The following TEX36 variants were observed in gnomAD, a reference collection of about 807,000 sequenced individuals.
The protein encoded by TEX36 is testis-expressed protein 36.
TEX36 carries 12 observed loss-of-function variants against 13.6 expected under a neutral mutation model. The observed-to-expected ratio is 0.88, with a 90% CI of 0.56 to 1.43. TEX36 has a LOEUF of 1.43. TEX36 is among the 40% of genes most tolerant of loss of function. The pLI is 0.00. For synonymous variants in TEX36, 93 were observed against 83.0 expected, an observed-to-expected ratio of 1.12 and a Z score of -0.65; for missense variants, 224 against 228.3, an observed-to-expected ratio of 0.98 and a Z score of 0.12.
At chr10:125,622,858 A>G (rs927076408) in intron 3 of TEX36, among the ~76,000 whole-genome samples, 1 of 152,236 alleles carries the variant, frequency 6.6e-6, no homozygotes, top group Admixed American at 6.5e-5. Flanking sequence ...GGAGGAGCCC[A>G]GAGTGGCCAG....
chr10:125,636,502 C>T (rs555779792), intron 3 of TEX36, among the ~76,000 whole-genome samples: 70 of 152,266 alleles, frequency 4.6e-4, no homozygotes, highest in African/African-American at 1.5e-3. Context: ...GCGTGAGCCA[C>T]CACGCCCAGC....
At chr10:125,641,123 C>T (rs1846685578) in intron 3 of TEX36, among the ~76,000 whole-genome samples, 1 of 152,174 alleles carries the variant, frequency 6.6e-6, no homozygotes, top group Admixed American at 6.5e-5. Flanking sequence ...CACTAAACTG[C>T]AATGTAGAAA....
chr10:125,610,979 A>G (rs977970381), intron 3 of TEX36, among the ~76,000 whole-genome samples: 1 of 152,112 alleles, frequency 6.6e-6, no homozygotes. Context: ...GTTTCCGTGG[A>G]TGTGTGGTTC....
chr10:125,586,905 G>T (rs2133528182), intron 3 of TEX36, among the ~76,000 whole-genome samples: 1 of 152,248 alleles, frequency 6.6e-6, no homozygotes, highest in Non-Finnish European at 1.5e-5. Flanking sequence ...CCTGGTGGGA[G>T]GTGATTGGAA....
At chr10:125,610,072 A>G (rs1846271207) in intron 3 of TEX36, among the ~76,000 whole-genome samples, 1 of 152,246 alleles carries the variant, frequency 6.6e-6, no homozygotes, top group South Asian at 2.1e-4. Context: ...TACAAATGCC[A>G]TGGCAATAGC....
chr10:125,622,001 C>A (rs1171029842), intron 3 of TEX36, among the ~76,000 whole-genome samples: 1 of 152,194 alleles, frequency 6.6e-6, no homozygotes, highest in East Asian at 1.9e-4. Context: ...ATGCCAATCT[C>A]CTCTGGCAAC....
At chr10:125,608,740 T>C (rs1179717803) in intron 3 of TEX36, among the ~76,000 whole-genome samples, 1 of 151,984 alleles carries the variant, frequency 6.6e-6, no homozygotes, top group Non-Finnish European at 1.5e-5. Context: ...CCCCTTTCCT[T>C]TTGGAGTTGA....
At chr10:125,674,965 G>A (rs1468817488) in intron 1 of TEX36, among the ~76,000 whole-genome samples, 2 of 152,264 alleles carry the variant, frequency 1.3e-5, no homozygotes, top group Non-Finnish European at 2.9e-5. Context: ...ATTGAGCTGG[G>A]GGAATCTCCG....
chr10:125,586,645 A>C (rs1157034813), intron 3 of TEX36, among the ~76,000 whole-genome samples: 3 of 150,390 alleles, frequency 2.0e-5, no homozygotes, highest in South Asian at 2.1e-4. Context: ...CAAAAAAAAA[A>C]AAAAAAAAAA....
intron 3 of TEX36, among the ~76,000 whole-genome samples, chr10:125,592,371 C>T (rs1222556029): frequency 6.6e-6 from 1 of 152,116 alleles, no homozygotes; most frequent in Admixed American, 6.6e-5. Context: ...GTAACGACTC[C>T]TCTCTAACTA....
At chr10:125,660,582 G>A (rs1054550337) in intron 3 of TEX36, among the ~76,000 whole-genome samples, 2 of 152,192 alleles carry the variant, frequency 1.3e-5, no homozygotes, top group African/African-American at 4.8e-5. Flanking sequence ...CAGTGATGGG[G>A]AACTCACAAC....
chr10:125,642,936 T>C (rs574036197), intron 3 of TEX36, among the ~76,000 whole-genome samples: 3 of 152,180 alleles, frequency 2.0e-5, no homozygotes, highest in Non-Finnish European at 4.4e-5. Context: ...TTCTAAGTAA[T>C]GGAAGCTAGA....
intron 1 of TEX36, among the ~76,000 whole-genome samples, chr10:125,662,294 T>A (rs1042474893): frequency 1.3e-5 from 2 of 151,988 alleles, no homozygotes; most frequent in Non-Finnish European, 2.9e-5. Flanking sequence ...AAGACAGAAA[T>A]GTGTTATTTG....
At position 125,609,900 on chromosome 10, in the gene TEX36, G is replaced by A. The variant is rs116357809; in HGVS notation, c.265-33026C>T. 3.0e-3 allele frequency among the ~76,000 whole-genome samples: 455 copies of A among 152,278 alleles called. 1 individual carries two copies. The highest frequency in any genetic ancestry group is 0.011 in the African/African-American group (439 of 41,526). On this transcript the variant is annotated intron_variant, in intron 3 of 3. Transcript: ENST00000532135. ...ACTGGTTTCACAAGATACAGGTCACGAAGACCCTGCTGATAAAACAGGACG... is the reference window on the plus strand; with the variant it reads ...ACTGGTTTCACAAGATACAGGTCACAAAGACCCTGCTGATAAAACAGGACG...
chr10:125,643,012 T>C (rs1278539669), intron 3 of TEX36, among the ~76,000 whole-genome samples: 2 of 152,172 alleles, frequency 1.3e-5, no homozygotes, highest in African/African-American at 4.8e-5. Flanking sequence ...GGTGCTGGCA[T>C]GGAGGCAGTG....
At chr10:125,598,691 G>A (rs574176109) in intron 3 of TEX36, among the ~76,000 whole-genome samples, 1 of 152,120 alleles carries the variant, frequency 6.6e-6, no homozygotes, top group African/African-American at 2.4e-5. Context: ...GATTTTTAGA[G>A]ACCCAGCAGA....
intron 3 of TEX36, among the ~76,000 whole-genome samples, chr10:125,592,318 A>G (rs1846031184): frequency 6.6e-6 from 1 of 152,134 alleles, no homozygotes; most frequent in Non-Finnish European, 1.5e-5. Context: ...GCCACCAGCC[A>G]CAGTCTGTCT....
At chr10:125,650,824 G>A (rs894495396), downstream of TEX36, among the ~76,000 whole-genome samples, 9 of 152,116 alleles carry the variant, frequency 5.9e-5, no homozygotes, top group East Asian at 5.8e-4. Context: ...TATCACCACC[G>A]ATCCCACAGG....
intron 3 of TEX36, among the ~76,000 whole-genome samples, chr10:125,599,833 C>T (rs917668650): frequency 3.9e-5 from 6 of 152,168 alleles, no homozygotes; most frequent in South Asian, 2.1e-4. Flanking sequence ...TTTACCCATC[C>T]GTAAATGTGA....
Sources: gnomAD v4.1 joint callset for allele counts (sites outside exome capture counted in the v4.1 genomes callset) on GRCh38, gnomAD v4.1.1 for gene constraint, MANE v1.5 for transcripts, NCBI Gene and HGNC (gene_info 2026-07-23, HGNC 2026-07-21) for gene names.